SLC25A40: variants seen among roughly 807,000 people sequenced by gnomAD.
SLC25A40 encodes mitochondrial glutathione transporter SLC25A40.
In SLC25A40, 41 loss-of-function variants were observed where a neutral mutation model predicts 46.5. The ratio of observed to expected loss-of-function variants is 0.88; its 90% CI spans 0.69 to 1.14. SLC25A40 has a LOEUF of 1.14. Among genes scored for constraint, SLC25A40 ranks in the 50% most tolerant of loss-of-function variants. The pLI, the probability that SLC25A40 is intolerant of heterozygous loss-of-function variation, is 0.00. For synonymous variants in SLC25A40, 126 were observed against 127.5 expected, an observed-to-expected ratio of 0.99 and a Z score of 0.08; for missense variants, 386 against 393.6, an observed-to-expected ratio of 0.98 and a Z score of 0.16.
chr7:87,869,951 TAAC>T (rs1838870868), intron 1 of SLC25A40, among the ~76,000 whole-genome samples: 1 of 152,224 alleles, frequency 6.6e-6, no homozygotes, highest in African/African-American at 2.4e-5. Flanking sequence ...TTCACATCCT[TAAC>T]AACACTTGGT....
chr7:87,836,320 T>C lies in SLC25A40; in HGVS notation c.946A>G (p.Ile316Val), dbSNP rs1203096791. 5 of 1,566,994 alleles carry C rather than the reference T, an allele frequency of 3.2e-6. No homozygotes were observed. Among genetic ancestry groups the C allele is most frequent in the Non-Finnish European group, 3.4e-6 (4 of 1,161,280 alleles). Residue 316 changes from isoleucine (I) to valine (V), a missense_variant, in exon 12 of 12, where the codon ATT becomes GTT. Physicochemically the swap from Ile to Val is conservative, Grantham distance 29. Transcript: ENST00000341119. ...CCAAATTCATATGTACTGATCATAA[T>C]GGCACAAGCAGGAGCAATTTTAATT... ...RLIKIAPACA[I>V]MISTYEFGKA...
In SLC25A40 at chr7:87,847,094, T is replaced by C. The variant is rs1226149696; in HGVS notation, c.486A>G (p.Leu162=). The C allele has an allele frequency of 1.2e-6, 2 of 1,610,936 alleles. No individual in the cohort carries two copies. Among genetic ancestry groups the C allele is most frequent in the African/African-American group, 2.7e-5 (2 of 74,718 alleles). Reference sequence around the variant, plus strand: ...ACTGCATCTTGGTTCTAATCAATTCTAGTGGACTTATCACAGTTACTGCAC... The same window carrying C: ...ACTGCATCTTGGTTCTAATCAATTCCAGTGGACTTATCACAGTTACTGCAC... The part of the protein sequence containing the change: ...RFGAVTVISP[L]ELIRTKMQSK... The change falls in exon 8 of 12, where the codon CTA becomes CTG. Residue 162 remains leucine, a synonymous_variant. Coordinates refer to ENST00000341119, the MANE Select transcript of SLC25A40 (RefSeq NM_018843.4).
In SLC25A40 at chr7:87,834,885, C is replaced by T. The variant is rs1163587054; in HGVS notation, c.*1364G>A. The T allele has an allele frequency of 1.3e-5, 2 of 151,440 alleles. No homozygotes were observed. Among genetic ancestry groups the T allele is most frequent in the Non-Finnish European group, 3.0e-5 (2 of 67,630 alleles). 9.4% of individuals were successfully genotyped at this position (151,440 alleles called of 1,614,324 possible). ...ATGTTGCAAATTTAAGGTAAATCAA[C>T]ATAGGATAAACACAGAAGATTACAT... is the stretch of plus-strand genomic sequence containing the variant. On this transcript the variant is annotated 3_prime_UTR_variant, in exon 12 of 12. Transcript: ENST00000341119.
At chr7:87,861,061 T>C (rs189522211) in intron 1 of SLC25A40, among the ~76,000 whole-genome samples, 281 of 152,308 alleles carry the variant, frequency 1.8e-3, no homozygotes, top group African/African-American at 6.5e-3. Flanking sequence ...AATCTGAATC[T>C]GAAACAACAA....
At chr7:87,862,604 AT>A (rs1838723796) in intron 1 of SLC25A40, among the ~76,000 whole-genome samples, 1 of 152,184 alleles carries the variant, frequency 6.6e-6, no homozygotes, top group South Asian at 2.1e-4. Flanking sequence ...TATCATCAGA[AT>A]TTTCAATTTT....
At chr7:87,864,524 TTGTTA>T (rs1369834223) in intron 1 of SLC25A40, among the ~76,000 whole-genome samples, 2 of 152,246 alleles carry the variant, frequency 1.3e-5, no homozygotes, top group Non-Finnish European at 2.9e-5. Context: ...ATATTTATAA[TTGTTA>T]TATCATCTTG....
At chr7:87,841,573 A>G in intron 10 of SLC25A40, 60 bp downstream of exon 10, 4 of 958,678 alleles carry the variant, frequency 4.2e-6, no homozygotes, top group East Asian at 3.0e-5. Flanking sequence ...TATCCCTACA[A>G]TATCTGTAAG....
rs566622089 is a variant in SLC25A40, at chr7:87,871,346, G to C, written c.-94+4750C>G. Among the ~76,000 whole-genome samples, 4 of 152,332 alleles carry C rather than the reference G, an allele frequency of 2.6e-5. No individual in the cohort carries two copies. The South Asian group carries it at 8.3e-4, about 32-fold the overall frequency. ...TCAGACCAACAAGCCAAAGGAAAGTGAATCTTGCCAACAACCCCTAGTGAG... is the reference window on the plus strand; with the variant it reads ...TCAGACCAACAAGCCAAAGGAAAGTCAATCTTGCCAACAACCCCTAGTGAG... On this transcript the variant is annotated intron_variant, in intron 1 of 11. Transcript: ENST00000341119.
chr7:87,859,527 G>C (rs892367716), intron 2 of SLC25A40, among the ~76,000 whole-genome samples: 1 of 152,086 alleles, frequency 6.6e-6, no homozygotes, highest in Non-Finnish European at 1.5e-5. Flanking sequence ...ATATGTATAT[G>C]TCTATACACA....
chr7:87,856,807 T>G (rs1838622122), intron 3 of SLC25A40, among the ~76,000 whole-genome samples: 1 of 152,168 alleles, frequency 6.6e-6, no homozygotes, highest in Admixed American at 6.5e-5. Flanking sequence ...TAAAACATCT[T>G]TAGCACTAAG....
chr7:87,838,625 AT>A (rs1838289401), intron 10 of SLC25A40, among the ~76,000 whole-genome samples: 1 of 151,252 alleles, frequency 6.6e-6, no homozygotes, highest in African/African-American at 2.4e-5. Context: ...TTCCTCCCCA[AT>A]TTTATTTTTC....
chr7:87,864,703 T>C (rs920471035), intron 1 of SLC25A40, among the ~76,000 whole-genome samples: 4 of 152,218 alleles, frequency 2.6e-5, no homozygotes, highest in African/African-American at 9.6e-5. Flanking sequence ...TGTGTCTTTA[T>C]AGATTAAGTA....
chr7:87,836,899 G>A, intron 10 of SLC25A40, 89 bp from the exon 11 acceptor site: 1 of 685,054 alleles, frequency 1.5e-6, no homozygotes, highest in Non-Finnish European at 2.2e-6. Context: ...GGCCCTTGCG[G>A]ATATATCATT....
intron 1 of SLC25A40, among the ~76,000 whole-genome samples, chr7:87,875,303 A>G (rs747165268): frequency 3.3e-5 from 5 of 152,184 alleles, no homozygotes; most frequent in Admixed American, 6.5e-5. Flanking sequence ...CTTCAACATA[A>G]ACCTGTCTAA....
intron 1 of SLC25A40, among the ~76,000 whole-genome samples, chr7:87,871,882 C>T (rs1171510554): frequency 1.3e-5 from 2 of 152,168 alleles, no homozygotes; most frequent in Non-Finnish European, 2.9e-5. Flanking sequence ...TATTTCTTCT[C>T]CTGTAAGCTT....
intron 1 of SLC25A40, among the ~76,000 whole-genome samples, chr7:87,866,170 A>G (rs1444331021): frequency 6.6e-6 from 1 of 152,004 alleles, no homozygotes; most frequent in African/African-American, 2.4e-5. Context: ...TTCTTTTCAC[A>G]CGTTTTTTTC....
At chr7:87,872,289 T>G (rs541440187) in intron 1 of SLC25A40, among the ~76,000 whole-genome samples, 1 of 152,312 alleles carries the variant, frequency 6.6e-6, no homozygotes, top group South Asian at 2.1e-4. Flanking sequence ...ATTTATAGCA[T>G]TACATGCTTG....
intron 5 of SLC25A40, 52 bp downstream of exon 5, chr7:87,854,152 A>G (rs1222723404): frequency 5.8e-6 from 7 of 1,211,646 alleles, no homozygotes; most frequent in African/African-American, 3.0e-5. Context: ...TATTTCACAT[A>G]TAAGATTAAA....
chr7:87,853,335 A>T (rs1395149408), intron 5 of SLC25A40, among the ~76,000 whole-genome samples: 3 of 152,248 alleles, frequency 2.0e-5, no homozygotes, highest in African/African-American at 4.8e-5. Context: ...TCAAAACACT[A>T]GTGAAGATGT....
Sources: gnomAD v4.1 joint callset for allele counts (sites outside exome capture counted in the v4.1 genomes callset) on GRCh38, gnomAD v4.1.1 for gene constraint, MANE v1.5 for transcripts, NCBI Gene and HGNC (gene_info 2026-07-23, HGNC 2026-07-21) for gene names.